Variants in FGD4 observed in about 807,000 individuals in gnomAD.
The protein encoded by FGD4 is FYVE, RhoGEF and PH domain-containing protein 4.
A neutral mutation model predicts 102.0 loss-of-function variants in FGD4; 42 were observed. The observed-to-expected ratio is 0.41, with a 90% CI of 0.32 to 0.53. FGD4 has a LOEUF of 0.53. Among genes scored for constraint, FGD4 ranks in the 20% least tolerant of loss-of-function variants. FGD4 has a pLI of 0.21. For synonymous variants in FGD4, 380 were observed against 375.7 expected (o/e 1.01, Z -0.13); for missense variants, 902 against 1,078.2 (o/e 0.84, Z 2.29).
intron 1 of FGD4, among the ~76,000 whole-genome samples, chr12:32,509,241 C>CTTTTT (rs35053299): frequency 2.3e-5 from 3 of 132,660 alleles, no homozygotes; most frequent in East Asian, 2.2e-4. Flanking sequence ...CTTTTATTCT[C>CTTTTT]TTTTTTTTTT....
intron 4 of FGD4, among the ~76,000 whole-genome samples, chr12:32,592,692 C>A (rs1241361214): frequency 6.6e-6 from 1 of 152,140 alleles, no homozygotes. Flanking sequence ...AAGCCCCATG[C>A]ATGCAAATAA....
chr12:32,510,110 C>G (rs1240244575), intron 1 of FGD4, among the ~76,000 whole-genome samples: 1 of 152,162 alleles, frequency 6.6e-6, no homozygotes, highest in African/African-American at 2.4e-5. Flanking sequence ...GTTTTTCACA[C>G]CCATAATTCC....
intron 1 of FGD4, among the ~76,000 whole-genome samples, chr12:32,473,893 A>G (rs540545908): frequency 6.6e-6 from 1 of 151,920 alleles, no homozygotes; most frequent in Admixed American, 6.6e-5. Flanking sequence ...CGAGACCATC[A>G]TGGCTAACAT....
intron 4 of FGD4, among the ~76,000 whole-genome samples, chr12:32,591,100 C>T (rs1477567790): frequency 6.6e-6 from 1 of 152,064 alleles, no homozygotes; most frequent in Non-Finnish European, 1.5e-5. Flanking sequence ...AACTTCTTTA[C>T]CAGAGAATGG....
chr12:32,604,000 C>G (rs988271141), intron 7 of FGD4, among the ~76,000 whole-genome samples: 1 of 152,090 alleles, frequency 6.6e-6, no homozygotes, highest in Admixed American at 6.5e-5. Context: ...TATGGAGATC[C>G]CCCCCAGCAC....
intron 16 of FGD4, 37 bp downstream of exon 16, chr12:32,638,832 C>T: frequency 9.3e-6 from 15 of 1,613,106 alleles, no homozygotes; most frequent in Non-Finnish European, 1.2e-5. Context: ...GACAGATGCC[C>T]TTGGGGGCAA....
At chr12:32,574,558 T>A (rs979301998) in intron 2 of FGD4, among the ~76,000 whole-genome samples, 1 of 152,192 alleles carries the variant, frequency 6.6e-6, no homozygotes, top group Admixed American at 6.5e-5. Flanking sequence ...CCCAAACATA[T>A]GTTGGAAAAT....
rs1204502714 is a variant in FGD4, at chr12:32,506,924, TTTTA to T, written c.167-57205_167-57202del. Among the ~76,000 whole-genome samples the T allele has an allele frequency of 3.9e-5, 6 of 152,010 alleles. No individual in the cohort carries two copies. The highest frequency in any genetic ancestry group is 1.5e-4 in the African/African-American group (6 of 41,374). On this transcript the variant is annotated intron_variant, in intron 1 of 16. Transcript: ENST00000534526. The surrounding 1 kb of genome is among the most constrained non-coding windows in gnomAD (Gnocchi z 4.5). Reference sequence around the variant, plus strand: ...GGGAGTTGAGGGTGGCAAACTTTATTTTTATTTATTTTTTATTATTATACTTTAA... The same window carrying T: ...GGGAGTTGAGGGTGGCAAACTTTATTTTTATTTTTTATTATTATACTTTAA...
At chr12:32,434,095 C>T (rs1466189638) in intron 1 of FGD4, among the ~76,000 whole-genome samples, 1 of 152,070 alleles carries the variant, frequency 6.6e-6, no homozygotes, top group Non-Finnish European at 1.5e-5. Context: ...ACCTCGTGAT[C>T]CGCCCGCCTC....
chr12:32,407,432 C>T (rs557166823), intron 1 of FGD4, among the ~76,000 whole-genome samples: 1 of 152,270 alleles, frequency 6.6e-6, no homozygotes, highest in South Asian at 2.1e-4. Context: ...GGCCAAGAAG[C>T]TGTATTTTTA....
intron 14 of FGD4, among the ~76,000 whole-genome samples, chr12:32,628,615 A>G (rs1950314815): frequency 6.6e-6 from 1 of 152,112 alleles, no homozygotes; most frequent in South Asian, 2.1e-4. Flanking sequence ...CCTGACCAAC[A>G]CGGAGAAATC....
chr12:32,415,842 C>CAT lies in FGD4; in HGVS notation c.166+15883_166+15884insAT, dbSNP rs1457875718. Among the ~76,000 whole-genome samples, 6 of 152,142 alleles carry CAT rather than the reference C, an allele frequency of 3.9e-5. No homozygotes were observed. The East Asian group carries it at 1.2e-3, about 29-fold the overall frequency. On this transcript the variant is annotated intron_variant, in intron 1 of 16. Coordinates refer to ENST00000534526, the MANE Select transcript of FGD4 (RefSeq NM_001370298.3). The stretch of plus-strand genomic sequence containing the variant: ...TTTTCTTACAGTTTTTCTCTTGAAA[C>CAT]CTATTTCATCTGATATAAGTATAGC...
intron 1 of FGD4, among the ~76,000 whole-genome samples, chr12:32,532,208 TAAC>T (rs1170089792): frequency 6.6e-6 from 1 of 152,218 alleles, no homozygotes; most frequent in Non-Finnish European, 1.5e-5. Flanking sequence ...AGAACAATTA[TAAC>T]AATATACTGT....
At chr12:32,598,694 C>A in intron 5 of FGD4, 108 bp downstream of exon 5, 2 of 902,688 alleles carry the variant, frequency 2.2e-6, no homozygotes, top group Non-Finnish European at 1.8e-6. Flanking sequence ...CTGTTTTTGG[C>A]TAGTGAAAGG....
intron 1 of FGD4, among the ~76,000 whole-genome samples, chr12:32,555,959 T>C (rs558515877): frequency 2.0e-5 from 3 of 152,158 alleles, no homozygotes; most frequent in Admixed American, 2.0e-4. Context: ...CAAGTAATCT[T>C]CCCAAGTAGC....
chr12:32,591,184 T>A (rs1472502), intron 4 of FGD4, among the ~76,000 whole-genome samples: 72,980 of 151,936 alleles, frequency 0.48, 19,260 homozygotes, highest in African/African-American at 0.71. Flanking sequence ...AATATAATTA[T>A]CTAACTGACA....
At chr12:32,578,572 A>G (rs554629211) in intron 3 of FGD4, among the ~76,000 whole-genome samples, 9 of 152,222 alleles carry the variant, frequency 5.9e-5, no homozygotes, top group South Asian at 2.1e-4. Flanking sequence ...GCTCATGCCT[A>G]TAATCCCAGC....
chr12:32,421,761 C>CA (rs1016038288), intron 1 of FGD4, among the ~76,000 whole-genome samples: 2 of 152,024 alleles, frequency 1.3e-5, no homozygotes, highest in East Asian at 1.9e-4. Flanking sequence ...AAGCAAAAAA[C>CA]AAAAAACCAA....
intron 1 of FGD4, among the ~76,000 whole-genome samples, chr12:32,498,967 G>A (rs895709281): frequency 3.9e-5 from 6 of 152,204 alleles, no homozygotes; most frequent in African/African-American, 1.4e-4. Flanking sequence ...CTGCCCCGGG[G>A]CACTGTGCAG....
Sources: allele counts gnomAD v4.1 joint callset (sites outside exome capture counted in the v4.1 genomes callset), GRCh38; gene constraint gnomAD v4.1.1; non-coding constraint Gnocchi (gnomAD v3.1); transcripts MANE v1.5; gene names NCBI Gene and HGNC (gene_info 2026-07-23, HGNC 2026-07-21).